The following NTRK3 variants were observed in gnomAD, a reference collection of about 807,000 sequenced individuals.
The protein encoded by NTRK3 is NT-3 growth factor receptor.
Under a neutral mutation model 91.7 loss-of-function variants are expected in NTRK3, and 24 were observed. That is an observed-to-expected ratio of 0.26 (90% CI 0.19 to 0.37). The LOEUF is 0.37. Among genes scored for constraint, NTRK3 ranks in the 10% least tolerant of loss-of-function variants. The probability of loss-of-function intolerance (pLI) is 1.00; values close to 1 mark genes in which losing one functional copy is unlikely to be tolerated. For synonymous variants in NTRK3, 483 were observed against 404.0 expected (o/e 1.20, Z -2.34); for missense variants, 880 against 1,068.9 (o/e 0.82, Z 2.46).
In NTRK3 at chr15:87,875,098, A is replaced by G. The variant is rs1596043213; in HGVS notation, c.*1837T>C. Reference sequence around the variant, plus strand: ...CACATAATTCAGTACTAAACCCCACATAGGGAGGCCCACATTTCAGCTGCC... The same window carrying G: ...CACATAATTCAGTACTAAACCCCACGTAGGGAGGCCCACATTTCAGCTGCC... On this transcript the variant is annotated 3_prime_UTR_variant, in exon 19 of 19. Transcript: ENST00000394480. The G allele has an allele frequency of 4.8e-5, 11 of 230,414 alleles. No homozygotes were observed. In the East Asian group the frequency reaches 6.8e-4, roughly 14 times the overall value. 14.3% of individuals were successfully genotyped at this position (230,414 alleles called of 1,614,324 possible). A position where few individuals can be genotyped will look rare whatever the true frequency, so the allele number is the denominator to read the frequency against.
In NTRK3 at chr15:88,227,873, C is replaced by T. The variant is rs148485207; in HGVS notation, c.248+28033G>A. Among the ~76,000 whole-genome samples, 37 of 152,192 alleles carry T rather than the reference C, an allele frequency of 2.4e-4. No homozygotes were observed. The East Asian group carries it at 4.9e-3, about 20-fold the overall frequency. On this transcript the variant is annotated intron_variant, in intron 3 of 18. Transcript: ENST00000394480. ...AGCATTCCCCTTGCTAGCTCACTCC[C>T]GTGGGTCCTTTCTCCTTACTCCTGT...
chr15:88,152,629 G>A (rs2043492339), intron 5 of NTRK3, among the ~76,000 whole-genome samples: 1 of 152,216 alleles, frequency 6.6e-6, no homozygotes, highest in Admixed American at 6.5e-5. Flanking sequence ...CACCCAGACT[G>A]TGGCATTGAG....
At chr15:88,057,523 T>C (rs959569897) in intron 13 of NTRK3, among the ~76,000 whole-genome samples, 1 of 150,522 alleles carries the variant, frequency 6.6e-6, no homozygotes, top group Non-Finnish European at 1.5e-5. Context: ...AAGAAAGAAA[T>C]GTGTCCTGAG....
chr15:88,115,739 T>C (rs898474972), intron 13 of NTRK3, among the ~76,000 whole-genome samples: 4 of 152,058 alleles, frequency 2.6e-5, no homozygotes, highest in Non-Finnish European at 5.9e-5. Flanking sequence ...GCTTTCAGTG[T>C]GAATACCAAC....
chr15:88,255,932 C>T lies in NTRK3; in HGVS notation c.222G>A (p.Thr74=), dbSNP rs762827939. The change falls in exon 3 of 19, where the codon ACG becomes ACA. Residue 74 remains threonine, a synonymous_variant. Transcript: ENST00000394480. This position sits in a 1 kb window ranked among gnomAD's most constrained non-coding sequence, Gnocchi z 4.3. ...TGGAAGTGATATTCCTTGAGATGTC[C>T]GTGATGTTGATACTGGCGTTCCCAT... 8.4e-5 allele frequency: 135 copies of T among 1,612,884 alleles called. No individual in the cohort carries two copies. Among genetic ancestry groups the T allele is most frequent in the Non-Finnish European group, 1.1e-4 (131 of 1,179,404 alleles).
At chr15:87,978,698 A>C (rs953203200) in intron 14 of NTRK3, 7 of 232,798 alleles carry the variant, frequency 3.0e-5, no homozygotes, top group Non-Finnish European at 4.2e-5. Context: ...AGTATGTCCC[A>C]AAAAAGGATG....
chr15:88,171,018 G>T (rs1228606764), intron 5 of NTRK3, among the ~76,000 whole-genome samples: 1 of 152,130 alleles, frequency 6.6e-6, no homozygotes, highest in East Asian at 1.9e-4. Flanking sequence ...GTTATCCTGG[G>T]TGGAGACTTC....
At chr15:88,132,617 C>A (rs558168099) in intron 10 of NTRK3, among the ~76,000 whole-genome samples, 1 of 152,290 alleles carries the variant, frequency 6.6e-6, no homozygotes, top group South Asian at 2.1e-4. Flanking sequence ...CACGATGTCT[C>A]CACACTTTCA....
exon 19 of NTRK3, chr15:87,871,159 CA>C (rs1393305484): frequency 8.7e-6 from 2 of 231,208 alleles, no homozygotes; most frequent in Non-Finnish European, 1.7e-5. Context: ...CCAACCTCCA[CA>C]GGTCTCACAG....
chr15:88,182,492 G>T (rs1476441182), intron 5 of NTRK3, among the ~76,000 whole-genome samples: 1 of 152,114 alleles, frequency 6.6e-6, no homozygotes, highest in Non-Finnish European at 1.5e-5. Context: ...AGTGGCCACA[G>T]GAAAGACTAG....
chr15:88,094,318 A>C (rs956364643), intron 13 of NTRK3, among the ~76,000 whole-genome samples: 15 of 151,826 alleles, frequency 9.9e-5, no homozygotes, highest in Non-Finnish European at 2.1e-4. Context: ...TACAAAAAAA[A>C]ATTAGCCGGG....
chr15:88,237,681 G>A lies in NTRK3; in HGVS notation c.248+18225C>T, dbSNP rs933753521. ...ATCCACCTCTATTCCACCTAAGACC[G>A]TGCAACTTCTTCCACAGGGCTCTCT... On this transcript the variant is annotated intron_variant, in intron 3 of 18. Coordinates refer to ENST00000394480, the Ensembl canonical transcript of NTRK3. The surrounding 1 kb of genome is among the most constrained non-coding windows in gnomAD (Gnocchi z 4.0). Among the ~76,000 whole-genome samples the A allele has an allele frequency of 2.0e-5, 3 of 151,972 alleles. No individual in the cohort carries two copies. In the East Asian group the frequency reaches 5.8e-4, roughly 29 times the overall value.
At chr15:88,054,640 G>A (rs368898733) in intron 13 of NTRK3, among the ~76,000 whole-genome samples, 3 of 152,180 alleles carry the variant, frequency 2.0e-5, no homozygotes, top group South Asian at 4.2e-4. Flanking sequence ...AAAGCACTTG[G>A]TAGCTAACAT....
exon 19 of NTRK3, chr15:87,874,052 A>G (rs2064889217): frequency 4.4e-6 from 1 of 228,804 alleles, no homozygotes; most frequent in South Asian, 1.8e-4. Context: ...TATTCTGCAG[A>G]TGGGGAAATT....
In NTRK3 at chr15:87,933,149, A is replaced by G. The variant is rs748800325; in HGVS notation, c.1752T>C (p.Asp584=). ...TGAGCAGCTCGGCCTCCCTCTGGAAATCCTTCCGGGCAGCCAGGGTGGGAT... is the reference window on the plus strand; with the variant it reads ...TGAGCAGCTCGGCCTCCCTCTGGAAGTCCTTCCGGGCAGCCAGGGTGGGAT... The change falls in exon 16 of 19, where the codon GAT becomes GAC. Residue 584 remains aspartate (D), a synonymous_variant. Transcript: ENST00000394480. 2 of 1,614,100 alleles carry G rather than the reference A, an allele frequency of 1.2e-6. No homozygotes were observed. Among genetic ancestry groups the G allele is most frequent in the African/African-American group, 1.3e-5 (1 of 75,002 alleles).
At chr15:87,893,619 T>A (rs1466371344) in intron 17 of NTRK3, among the ~76,000 whole-genome samples, 1 of 152,122 alleles carries the variant, frequency 6.6e-6, no homozygotes, top group African/African-American at 2.4e-5. Context: ...AAATAGAAAC[T>A]CAGCTAAGTT....
At chr15:87,894,949 G>C (rs2066036373) in intron 17 of NTRK3, among the ~76,000 whole-genome samples, 1 of 152,052 alleles carries the variant, frequency 6.6e-6, no homozygotes, top group Non-Finnish European at 1.5e-5. Context: ...TATCTCTTTG[G>C]TGGTTCATCC....
intron 13 of NTRK3, among the ~76,000 whole-genome samples, chr15:88,039,825 C>T (rs918927040): frequency 7.9e-5 from 12 of 152,208 alleles, no homozygotes; most frequent in Non-Finnish European, 1.2e-4. Context: ...CTGCTGTGTC[C>T]GGTTTCCATT....
intron 17 of NTRK3, among the ~76,000 whole-genome samples, chr15:87,910,502 C>T (rs969663558): frequency 2.6e-5 from 4 of 152,080 alleles, no homozygotes; most frequent in East Asian, 1.9e-4. Context: ...TAAAACATGC[C>T]GTGTTTCAGT....
Sources: gnomAD v4.1 joint callset for allele counts (sites outside exome capture counted in the v4.1 genomes callset) on GRCh38, gnomAD v4.1.1 for gene constraint, Gnocchi (gnomAD v3.1) non-coding constraint, MANE v1.5 for transcripts, NCBI Gene and HGNC (gene_info 2026-07-23, HGNC 2026-07-21) for gene names.